Variants in ESRRG observed in about 807,000 individuals in gnomAD.
The protein encoded by ESRRG is estrogen-related receptor gamma.
A neutral mutation model predicts 44.0 loss-of-function variants in ESRRG; 13 were observed. The ratio of observed to expected loss-of-function variants is 0.30; its 90% CI spans 0.19 to 0.47. The LOEUF (loss-of-function observed/expected upper bound fraction) is 0.47, where lower values mean the gene tolerates loss of function less well. Ranked by LOEUF, ESRRG falls within the 20% of genes least tolerant of loss-of-function variation. The pLI, the probability that ESRRG is intolerant of heterozygous loss-of-function variation, is 1.00. For missense variants in ESRRG, 395 were observed against 580.6 expected (o/e 0.68, Z 3.29); for synonymous variants, 215 against 214.6 (o/e 1.00, Z -0.02).
At chr1:217,113,226 A>G (rs903537999) in intron 1 of ESRRG, among the ~76,000 whole-genome samples, 1 of 152,188 alleles carries the variant, frequency 6.6e-6, no homozygotes, top group Non-Finnish European at 1.5e-5. Flanking sequence ...TGGAACTAAT[A>G]TATGAGACAG....
chr1:216,959,194 G>T (rs1320132823), intron 1 of ESRRG, among the ~76,000 whole-genome samples: 1 of 151,778 alleles, frequency 6.6e-6, no homozygotes, highest in African/African-American at 2.4e-5. Flanking sequence ...CACAACTTTT[G>T]CTCACTACTG....
chr1:216,712,732 A>G (rs899763711), intron 1 of ESRRG, among the ~76,000 whole-genome samples: 3 of 152,204 alleles, frequency 2.0e-5, no homozygotes, highest in Non-Finnish European at 4.4e-5. Flanking sequence ...TTTACAATTG[A>G]CATCTTCATA....
chr1:216,944,006 G>A (rs2065686998), intron 1 of ESRRG, among the ~76,000 whole-genome samples: 1 of 152,106 alleles, frequency 6.6e-6, no homozygotes, highest in Non-Finnish European at 1.5e-5. Context: ...TAATCTATGT[G>A]ATGCATCTTT....
chr1:216,610,080 A>G (rs1381940875), intron 3 of ESRRG, among the ~76,000 whole-genome samples: 1 of 152,198 alleles, frequency 6.6e-6, no homozygotes, highest in East Asian at 1.9e-4. Flanking sequence ...AGAGTGTACC[A>G]TAGCAGGTGT....
intron 3 of ESRRG, among the ~76,000 whole-genome samples, chr1:216,640,043 A>T (rs2066071592): frequency 1.3e-5 from 2 of 152,308 alleles, no homozygotes; most frequent in South Asian, 4.1e-4. Flanking sequence ...GTAAAAACAA[A>T]TTTATGTTGT....
rs183054826 is a variant in ESRRG, at chr1:216,913,098, C to T, written c.-14+26484G>A. Among the ~76,000 whole-genome samples, 3 of 119,044 alleles carry T rather than the reference C, an allele frequency of 2.5e-5. No individual in the cohort carries two copies. In the East Asian group the frequency reaches 7.6e-4, roughly 30 times the overall value. The allele number at this position is 119,044 out of a possible 152,430, so 78.1% of individuals were successfully genotyped here. A position where few individuals can be genotyped will look rare whatever the true frequency, so the allele number is the denominator to read the frequency against. On this transcript the variant is annotated intron_variant, in intron 2 of 7. Transcript: ENST00000359162. ...GAGATCGCACTACTGCACTCCAGAG[C>T]GAGACTCTGTCTCAAAAAAAAAAAA...
chr1:216,532,424 G>A (rs886642197), intron 5 of ESRRG, among the ~76,000 whole-genome samples: 2 of 152,082 alleles, frequency 1.3e-5, no homozygotes, highest in African/African-American at 2.4e-5. Context: ...ATTAAATGCC[G>A]CACTGGAAAG....
Position 216,912,177 on chromosome 1 carries a change from A to AGAG in ESRRG, c.-14+27404_-14+27405insCTC, listed in dbSNP as rs1560082793. Among the ~76,000 whole-genome samples the AGAG allele has an allele frequency of 2.1e-3, 46 of 22,198 alleles. 4 individuals carry two copies. The highest frequency in any genetic ancestry group is 0.011 in the East Asian group (6 of 554). 14.6% of individuals were successfully genotyped at this position (22,198 alleles called of 152,430 possible). On this transcript the variant is annotated intron_variant, in intron 2 of 7. Transcript: ENST00000359162. ...AAAGAAAAGAAAAGAAAAGAAAAGA[A>AGAG]AAGAAAAGGAGAGGAGAGGAGAGGA...
intron 5 of ESRRG, among the ~76,000 whole-genome samples, chr1:216,523,490 G>GTTTTTTTTTTTTTTTT (rs749747909): frequency 1.6e-5 from 2 of 126,328 alleles, no homozygotes; most frequent in Non-Finnish European, 3.3e-5. Flanking sequence ...ATCAAGCACT[G>GTTTTTTTTTTTTTTTT]TTTTTTTTTT....
rs2041291076 is a variant in ESRRG, at chr1:216,506,708, A to G, written c.*231T>C. ...AAGAAAAGGAGAAAAAATAAAGAGAAAGAGAAATGTGGGAAGAAAGAGGAA... is the reference window on the plus strand; with the variant it reads ...AAGAAAAGGAGAAAAAATAAAGAGAGAGAGAAATGTGGGAAGAAAGAGGAA... On this transcript the variant is annotated 3_prime_UTR_variant, in exon 7 of 7. Coordinates refer to ENST00000408911, the MANE Select transcript of ESRRG (RefSeq NM_001438.4). 1.6e-6 allele frequency: 1 copy of G among 623,206 alleles called. No individual in the cohort carries two copies. The highest frequency in any genetic ancestry group is 1.9e-5 in the African/African-American group (1 of 52,800). The allele number at this position is 623,206 out of a possible 1,614,324, so 38.6% of individuals were successfully genotyped here.
At chr1:216,742,872 A>C (rs995655116) in intron 2 of ESRRG, among the ~76,000 whole-genome samples, 3 of 147,260 alleles carry the variant, frequency 2.0e-5, no homozygotes, top group Non-Finnish European at 1.5e-5. Context: ...AAAACCCTCA[A>C]ACTTAAGAGT....
At chr1:216,693,468 T>A (rs1298504521) in intron 1 of ESRRG, among the ~76,000 whole-genome samples, 1 of 152,122 alleles carries the variant, frequency 6.6e-6, no homozygotes, top group African/African-American at 2.4e-5. Context: ...TCCCTCAGTA[T>A]CCATGGGGGA....
intron 2 of ESRRG, among the ~76,000 whole-genome samples, chr1:216,884,082 G>A (rs2096486439): frequency 6.6e-6 from 1 of 152,152 alleles, no homozygotes; most frequent in East Asian, 1.9e-4. Context: ...TTCTCCTAAA[G>A]TTTTACCTTT....
chr1:216,757,607 T>C (rs1044394902), intron 2 of ESRRG, among the ~76,000 whole-genome samples: 5 of 152,036 alleles, frequency 3.3e-5, no homozygotes, highest in African/African-American at 1.2e-4. Flanking sequence ...ACTGTGTTGT[T>C]TTCAACCAAA....
At chr1:216,813,592 G>A (rs148243840) in intron 2 of ESRRG, among the ~76,000 whole-genome samples, 2 of 152,206 alleles carry the variant, frequency 1.3e-5, no homozygotes, top group Admixed American at 6.5e-5. Context: ...TCAATTCTTC[G>A]CTTGACCAAT....
intron 2 of ESRRG, among the ~76,000 whole-genome samples, chr1:216,786,891 A>G (rs926593827): frequency 6.6e-6 from 1 of 152,190 alleles, no homozygotes. Flanking sequence ...TGAACTTATT[A>G]TAAGTGACAT....
At chr1:216,565,949 T>C (rs11572775) in intron 4 of ESRRG, among the ~76,000 whole-genome samples, 21,794 of 150,118 alleles carry the variant, frequency 0.15, 2,058 homozygotes, top group Non-Finnish European at 0.21. Context: ...GTAAAGAGCA[T>C]AAAAATATAT....
At chr1:216,981,735 G>A (rs1009345033) in intron 1 of ESRRG, among the ~76,000 whole-genome samples, 1 of 151,734 alleles carries the variant, frequency 6.6e-6, no homozygotes, top group South Asian at 2.1e-4. Context: ...ACATACGCAC[G>A]CACACACAGC....
At chr1:216,613,197 C>A (rs1221263729) in intron 3 of ESRRG, among the ~76,000 whole-genome samples, 1 of 152,042 alleles carries the variant, frequency 6.6e-6, no homozygotes. Context: ...AGTTTAAATA[C>A]TATATTGGAA....
Sources: gnomAD v4.1 joint callset for allele counts (sites outside exome capture counted in the v4.1 genomes callset) on GRCh38, gnomAD v4.1.1 for gene constraint, MANE v1.5 for transcripts, NCBI Gene and HGNC (gene_info 2026-07-23, HGNC 2026-07-21) for gene names.